RXFP1: variants seen among roughly 807,000 people sequenced by gnomAD.
RXFP1 encodes relaxin receptor 1.
Under a neutral mutation model 89.8 loss-of-function variants are expected in RXFP1, and 73 were observed. The ratio of observed to expected loss-of-function variants is 0.81; its 90% CI spans 0.67 to 0.99. RXFP1 has a LOEUF of 0.99. Among genes scored for constraint, RXFP1 ranks in the 50% least tolerant of loss-of-function variants. The probability of loss-of-function intolerance (pLI) is 0.00; values close to 1 mark genes in which losing one functional copy is unlikely to be tolerated. For synonymous variants in RXFP1, 277 were observed against 305.5 expected (o/e 0.91, Z 0.97); for missense variants, 793 against 895.5 (o/e 0.89, Z 1.46).
intron 1 of RXFP1, among the ~76,000 whole-genome samples, chr4:158,532,968 C>A (rs564278045): frequency 2.0e-5 from 3 of 152,338 alleles, no homozygotes; most frequent in Non-Finnish European, 4.4e-5. Context: ...CTTCTCCCTT[C>A]CCCTACAGAG....
At chr4:158,615,029 C>T (rs537762646) in intron 8 of RXFP1, among the ~76,000 whole-genome samples, 2 of 152,148 alleles carry the variant, frequency 1.3e-5, no homozygotes, top group Admixed American at 1.3e-4. Flanking sequence ...CATTGTAGAG[C>T]ACAGGCAGAG....
At chr4:158,580,079 G>A (rs1757041011) in intron 2 of RXFP1, among the ~76,000 whole-genome samples, 1 of 152,172 alleles carries the variant, frequency 6.6e-6, no homozygotes, top group South Asian at 2.1e-4. Flanking sequence ...TCAGGCCAGA[G>A]CCTTTATTGG....
rs763670611 is a variant in RXFP1 at position 158,572,809 on chromosome 4, G to A, written c.161G>A (p.Gly54Glu). ...LLHCNGVDDC[G>E]NQADEDNCGD... ...CACTGTAACGGTGTGGACGACTGCG[G>A]GAATCAGGCCGATGAGGACAACTGT... Residue 54 changes from glycine (G) to glutamate (E), a missense_variant, in exon 2 of 18, where the codon GGG (glycine) becomes GAG (glutamate). By Grantham distance (98) the Gly-to-Glu change is moderately conservative (BLOSUM62 -2). Transcript: ENST00000307765. 1 of 1,614,028 alleles carries A rather than the reference G, an allele frequency of 6.2e-7. No homozygotes were observed. Among genetic ancestry groups the A allele is most frequent in the Non-Finnish European group, 8.5e-7 (1 of 1,180,044 alleles).
intron 1 of RXFP1, among the ~76,000 whole-genome samples, chr4:158,549,478 G>T (rs1749502686): frequency 6.6e-6 from 1 of 152,174 alleles, no homozygotes; most frequent in Non-Finnish European, 1.5e-5. Context: ...GTCCGGCTTT[G>T]TTCCGTTGCT....
Position 158,651,912 on chromosome 4 carries a change from A to G in RXFP1, c.2131A>G (p.Lys711Glu). ...AAAATCTATGGACAGCAAAGGTCAG[A>G]AAACATATGCTCCATCATTCATCTG... is the stretch of plus-strand genomic sequence containing the variant. ...QRKSMDSKGQ[K>E]TYAPSFIWVE... Residue 711 changes from lysine to glutamate, a missense_variant, in exon 18 of 18, where the codon AAA becomes GAA. Transcript: ENST00000307765. The G allele has an allele frequency of 1.2e-6, 2 of 1,614,210 alleles. No homozygotes were observed. Among genetic ancestry groups the G allele is most frequent in the Non-Finnish European group, 8.5e-7 (1 of 1,180,034 alleles).
At chr4:158,604,791 A>G (rs1762278907) in intron 4 of RXFP1, among the ~76,000 whole-genome samples, 1 of 152,206 alleles carries the variant, frequency 6.6e-6, no homozygotes, top group South Asian at 2.1e-4. Flanking sequence ...GGAAAGAAAA[A>G]CATAACTGAA....
At chr4:158,564,114 C>T (rs971950295) in intron 1 of RXFP1, among the ~76,000 whole-genome samples, 2 of 152,044 alleles carry the variant, frequency 1.3e-5, no homozygotes, top group Admixed American at 1.3e-4. Flanking sequence ...ATAAATATGA[C>T]AATTCCAACA....
chr4:158,541,224 G>A (rs1746525737), intron 1 of RXFP1, among the ~76,000 whole-genome samples: 1 of 152,024 alleles, frequency 6.6e-6, no homozygotes, highest in African/African-American at 2.4e-5. Flanking sequence ...GGTTAAAGAT[G>A]GAAGAAAAAA....
chr4:158,626,729 A>C, intron 9 of RXFP1, 91 bp from the exon 10 acceptor site: 2 of 754,676 alleles, frequency 2.7e-6, no homozygotes. Context: ...ATGTAAAGAA[A>C]AGATATTTTA....
At chr4:158,580,203 G>A (rs540465058) in intron 2 of RXFP1, among the ~76,000 whole-genome samples, 1 of 152,262 alleles carries the variant, frequency 6.6e-6, no homozygotes, top group African/African-American at 2.4e-5. Flanking sequence ...CAGCTACCTG[G>A]CCCTAGGATA....
chr4:158,524,955 G>A (rs1403657620), intron 1 of RXFP1, among the ~76,000 whole-genome samples: 1 of 152,136 alleles, frequency 6.6e-6, no homozygotes, highest in African/African-American at 2.4e-5. Flanking sequence ...AGCTTAGTAA[G>A]GTCTTCTCTT....
chr4:158,601,129 T>A (rs77126293), intron 4 of RXFP1, among the ~76,000 whole-genome samples: 2 of 151,922 alleles, frequency 1.3e-5, no homozygotes, highest in Admixed American at 1.3e-4. Flanking sequence ...CATTCAATTT[T>A]AAAAATTGTC....
At chr4:158,634,923 C>T (rs1221069192) in intron 12 of RXFP1, among the ~76,000 whole-genome samples, 1 of 152,138 alleles carries the variant, frequency 6.6e-6, no homozygotes, top group Non-Finnish European at 1.5e-5. Context: ...ACACTGATTG[C>T]TGTAGCTTTG....
At position 158,651,986 on chromosome 4, in the gene RXFP1, G is replaced by A. The variant is rs771586759; in HGVS notation, c.2205G>A (p.Pro735=). 9.5e-5 allele frequency: 153 copies of A among 1,614,024 alleles called. 1 individual carries two copies. In the South Asian group the frequency reaches 1.2e-3, roughly 13 times the overall value. Residue 735 remains proline (P), a synonymous_variant, in exon 18 of 18, where the codon CCG becomes CCA. Coordinates refer to ENST00000307765, the MANE Select transcript of RXFP1 (RefSeq NM_021634.4). ...AGATGCCACCTGAGTTAATGAAGCC[G>A]GACCTTTTCACATACCCCTGTGAAA... ...LQEMPPELMK[P]DLFTYPCEMS...
chr4:158,610,053 C>T (rs993132484), intron 6 of RXFP1, among the ~76,000 whole-genome samples: 2 of 152,104 alleles, frequency 1.3e-5, no homozygotes, highest in Non-Finnish European at 2.9e-5. Flanking sequence ...ATCACGAGGT[C>T]AGGAGATGGA....
At position 158,643,285 on chromosome 4, in the gene RXFP1, G is replaced by T. The variant is rs149050039; in HGVS notation, c.1116-1624G>T. Among the ~76,000 whole-genome samples, 773 of 152,054 alleles carry T rather than the reference G, an allele frequency of 5.1e-3. 8 individuals are homozygous for T. The highest frequency in any genetic ancestry group is 0.018 in the African/African-American group (743 of 41,484). On this transcript the variant is annotated intron_variant, in intron 14 of 17. Coordinates refer to ENST00000307765, the MANE Select transcript of RXFP1 (RefSeq NM_021634.4). ...TTTGTTAGAAAAGAAATTATTTGGG[G>T]CTGCTTTTTATTAAAAGAGAAAGCT...
intron 2 of RXFP1, among the ~76,000 whole-genome samples, chr4:158,578,665 A>G (rs951688777): frequency 2.0e-5 from 3 of 152,102 alleles, no homozygotes; most frequent in African/African-American, 7.2e-5. Context: ...GTGCTAAATA[A>G]GGGCTCCCCC....
At chr4:158,592,847 T>C (rs188602503) in intron 2 of RXFP1, among the ~76,000 whole-genome samples, 106 of 151,676 alleles carry the variant, frequency 7.0e-4, no homozygotes, top group East Asian at 2.8e-3. Flanking sequence ...TCCCAACACT[T>C]TGGGGGGCCG....
Position 158,647,127 on chromosome 4 carries a change from G to C in RXFP1, c.1682G>C (p.Gly561Ala). The change falls in exon 16 of 18, where the codon GGA becomes GCA. Residue 561 changes from glycine to alanine, a missense_variant. Physicochemically the swap from Gly to Ala is moderately conservative, Grantham distance 60. Coordinates refer to ENST00000307765, the MANE Select transcript of RXFP1 (RefSeq NM_021634.4). ...TTCAAAAACTACTATGGCACCAATGGAGTATGCTTCCCTCTTCATTCAGAA... is the reference window on the plus strand; with the variant it reads ...TTCAAAAACTACTATGGCACCAATGCAGTATGCTTCCCTCTTCATTCAGAA... ...EFFKNYYGTN[G>A]VCFPLHSEDT... 1 of 1,613,970 alleles carries C rather than the reference G, an allele frequency of 6.2e-7. No homozygotes were observed. Among genetic ancestry groups the C allele is most frequent in the Admixed American group, 1.7e-5 (1 of 60,012 alleles).
Sources: allele counts gnomAD v4.1 joint callset (sites outside exome capture counted in the v4.1 genomes callset), GRCh38; gene constraint gnomAD v4.1.1; transcripts MANE v1.5; gene names NCBI Gene and HGNC (gene_info 2026-07-23, HGNC 2026-07-21).